SMCO2: variants seen among roughly 807,000 people sequenced by gnomAD.
The protein encoded by SMCO2 is single-pass membrane protein with coiled-coil domains 2.
In SMCO2, 25 loss-of-function variants were observed where a neutral mutation model predicts 29.5. The observed-to-expected ratio is 0.85, with a 90% CI of 0.62 to 1.18. The LOEUF (loss-of-function observed/expected upper bound fraction) is 1.18, where lower values mean the gene tolerates loss of function less well. Ranked by LOEUF, SMCO2 falls within the 50% of genes most tolerant of loss-of-function variation. SMCO2 has a pLI of 0.00. For missense variants in SMCO2, 348 were observed against 344.5 expected, an observed-to-expected ratio of 1.01 and a Z score of -0.08; for synonymous variants, 117 against 123.3, an observed-to-expected ratio of 0.95 and a Z score of 0.34.
chr12:27,485,450 G>GCTTTTTTT (rs1484918113), intron 4 of SMCO2, among the ~76,000 whole-genome samples: 1 of 132,046 alleles, frequency 7.6e-6, no homozygotes, highest in African/African-American at 2.8e-5. Flanking sequence ...ATTTTTTTAA[G>GCTTTTTTT]TTTTTTTTTT....
intron 3 of SMCO2, 194 bp downstream of exon 3, chr12:27,473,069 C>T (rs1565674808): frequency 1.6e-5 from 8 of 504,228 alleles, no homozygotes; most frequent in Non-Finnish European, 7.1e-6. Context: ...CTGCTGTTAC[C>T]ACATGAAGGA....
chr12:27,486,274 C>T (rs781781379), intron 4 of SMCO2, among the ~76,000 whole-genome samples: 2 of 152,196 alleles, frequency 1.3e-5, no homozygotes, highest in Admixed American at 6.5e-5. Context: ...CTCTGCTGGG[C>T]AAATCTACTC....
At chr12:27,426,128 C>G in the SMCO2 span, among the ~76,000 whole-genome samples, 1 of 152,136 alleles carries the variant, frequency 6.6e-6, no homozygotes, top group Non-Finnish European at 1.5e-5. Context: ...CTCCTCTTCC[C>G]CAGGTCTCCC....
intron 3 of SMCO2, among the ~76,000 whole-genome samples, chr12:27,473,793 T>C (rs1949561267): frequency 6.6e-6 from 1 of 152,242 alleles, no homozygotes; most frequent in South Asian, 2.1e-4. Flanking sequence ...AAAATAGTTC[T>C]GTGAAACACA....
At chr12:27,435,424 CCTTT>C in the SMCO2 span, among the ~76,000 whole-genome samples, 1 of 150,788 alleles carries the variant, frequency 6.6e-6, no homozygotes, top group African/African-American at 2.4e-5. Flanking sequence ...AGGTAGTTTT[CCTTT>C]CTTTCTGTCA....
At chr12:27,453,771 C>G in the SMCO2 span, among the ~76,000 whole-genome samples, 1 of 152,162 alleles carries the variant, frequency 6.6e-6, no homozygotes, top group South Asian at 2.1e-4. Context: ...AAGAAAAAAG[C>G]CTGCCTTTTC....
the SMCO2 span, among the ~76,000 whole-genome samples, chr12:27,450,018 C>T: frequency 1.3e-5 from 2 of 152,176 alleles, no homozygotes; most frequent in East Asian, 3.8e-4. Flanking sequence ...GACCCCTACT[C>T]CAATCATAAT....
the SMCO2 span, among the ~76,000 whole-genome samples, chr12:27,440,736 C>G: frequency 7.6e-6 from 1 of 132,132 alleles, no homozygotes; most frequent in Non-Finnish European, 1.6e-5. Context: ...ACTTTTATAT[C>G]TATAAAATGT....
the SMCO2 span, among the ~76,000 whole-genome samples, chr12:27,447,385 C>T: frequency 2.0e-5 from 3 of 152,088 alleles, no homozygotes; most frequent in Non-Finnish European, 4.4e-5. Flanking sequence ...CTGGCTAACC[C>T]TTTCTTGCTC....
At chr12:27,452,638 C>T in the SMCO2 span, among the ~76,000 whole-genome samples, 2 of 152,260 alleles carry the variant, frequency 1.3e-5, no homozygotes, top group South Asian at 2.1e-4. Flanking sequence ...TATAGGTGTG[C>T]ACCACCACAC....
At chr12:27,449,963 C>T in the SMCO2 span, among the ~76,000 whole-genome samples, 2 of 152,186 alleles carry the variant, frequency 1.3e-5, no homozygotes, top group African/African-American at 4.8e-5. Context: ...TGCCTCCCTT[C>T]ATTCGTTCTC....
intron 4 of SMCO2, among the ~76,000 whole-genome samples, chr12:27,487,442 A>T (rs757453094): frequency 2.0e-5 from 3 of 152,198 alleles, no homozygotes; most frequent in Non-Finnish European, 4.4e-5. Flanking sequence ...CCATGATATG[A>T]ACCTATGCAG....
the SMCO2 span, among the ~76,000 whole-genome samples, chr12:27,439,695 A>G: frequency 1.3e-5 from 2 of 152,178 alleles, no homozygotes; most frequent in African/African-American, 2.4e-5. Context: ...TGAGAAATAC[A>G]TTTGCTGAGC....
intron 4 of SMCO2, among the ~76,000 whole-genome samples, 198 bp downstream of exon 4, chr12:27,475,111 G>A (rs1318928952): frequency 6.6e-6 from 1 of 152,174 alleles, no homozygotes; most frequent in African/African-American, 2.4e-5. Flanking sequence ...GATGTAGACA[G>A]AGCATGGGAA....
At position 27,498,369 on chromosome 12, in the gene SMCO2, A is replaced by G. The variant is rs557970313; in HGVS notation, c.683+2514A>G. 8 of 222,824 alleles carry G rather than the reference A, an allele frequency of 3.6e-5. 1 individual carries two copies. The highest frequency in any genetic ancestry group is 1.0e-3 in the Middle Eastern group (2 of 1,928). 13.8% of individuals were successfully genotyped at this position (222,824 alleles called of 1,614,324 possible). On this transcript the variant is annotated intron_variant, in intron 7 of 7. Transcript: ENST00000298876. ...ATTTTATGGCTCCCTGAGATACAACAAAAGATTTTAGATGACTTACTTCTG... is the reference window on the plus strand; with the variant it reads ...ATTTTATGGCTCCCTGAGATACAACGAAAGATTTTAGATGACTTACTTCTG...
At chr12:27,496,325 T>C (rs1430995179) in intron 7 of SMCO2, among the ~76,000 whole-genome samples, 1 of 150,576 alleles carries the variant, frequency 6.6e-6, no homozygotes, top group East Asian at 1.9e-4. Flanking sequence ...TACATTTCTA[T>C]AGATATATAA....
intron 1 of SMCO2, among the ~76,000 whole-genome samples, chr12:27,467,699 T>C (rs575174371): frequency 3.3e-5 from 5 of 152,272 alleles, no homozygotes; most frequent in South Asian, 4.2e-4. Flanking sequence ...GCAAAACTTA[T>C]AGTCAGAATT....
the SMCO2 span, among the ~76,000 whole-genome samples, chr12:27,461,410 C>T: frequency 6.6e-6 from 1 of 152,136 alleles, no homozygotes; most frequent in African/African-American, 2.4e-5. Flanking sequence ...TCCTCCAGCC[C>T]TCCACCTTCA....
chr12:27,459,186 CAAAAAAAA>C, the SMCO2 span, among the ~76,000 whole-genome samples: 1 of 94,708 alleles, frequency 1.1e-5, no homozygotes, highest in Non-Finnish European at 2.1e-5. Flanking sequence ...GACTCCATCT[CAAAAAAAA>C]AAAAAAAAAA....
Sources: gnomAD v4.1 joint callset for allele counts (sites outside exome capture counted in the v4.1 genomes callset) on GRCh38, gnomAD v4.1.1 for gene constraint, MANE v1.5 for transcripts, NCBI Gene and HGNC (gene_info 2026-07-23, HGNC 2026-07-21) for gene names.